LAMB4: variants seen among roughly 807,000 people sequenced by gnomAD.
The protein encoded by LAMB4 is laminin subunit beta 4, also known as laminin subunit beta-4.
In LAMB4, 196 loss-of-function variants were observed where a neutral mutation model predicts 199.2. The observed-to-expected ratio is 0.98, with a 90% CI of 0.88 to 1.11. The LOEUF is 1.11. LAMB4 is among the 50% of genes least tolerant of loss of function. The probability of loss-of-function intolerance (pLI) is 0.00; values close to 1 mark genes in which losing one functional copy is unlikely to be tolerated. For missense variants in LAMB4, 2,080 were observed against 2,171.2 expected (o/e 0.96, Z 0.83); for synonymous variants, 744 against 770.6 (o/e 0.97, Z 0.57).
At chr7:108,062,144 C>G (rs1382666896) in intron 23 of LAMB4, among the ~76,000 whole-genome samples, 1 of 152,100 alleles carries the variant, frequency 6.6e-6, no homozygotes. Context: ...TAGTTTTTTT[C>G]CCACAAGTAA....
chr7:108,086,893 C>A (rs745833232), intron 14 of LAMB4, among the ~76,000 whole-genome samples: 3 of 152,110 alleles, frequency 2.0e-5, no homozygotes, highest in Non-Finnish European at 4.4e-5. Flanking sequence ...TAAATAAACT[C>A]CCTAGGTAAC....
chr7:108,017,509 G>A, the LAMB4 span, among the ~76,000 whole-genome samples: 2 of 152,228 alleles, frequency 1.3e-5, 1 homozygote, highest in Non-Finnish European at 2.9e-5. Flanking sequence ...AAGTGAATAA[G>A]TATTTATTTA....
intron 29 of LAMB4, among the ~76,000 whole-genome samples, chr7:108,043,363 G>T (rs1324371707): frequency 6.6e-6 from 1 of 151,834 alleles, no homozygotes; most frequent in South Asian, 2.1e-4. Context: ...CATGTGTTTG[G>T]AATTTTAACT....
rs768553433 is a variant in LAMB4 at position 108,107,611 on chromosome 7, T to C, written c.591+20A>G. Reference sequence around the variant, plus strand: ...AAAAGTTTAATTTATACAAAATAAATACAAGGAAGGAAATGCTACCTCTCC... The same window carrying C: ...AAAAGTTTAATTTATACAAAATAAACACAAGGAAGGAAATGCTACCTCTCC... On this transcript the variant is annotated intron_variant, in intron 6 of 33. Transcript: ENST00000388781. 43 of 1,541,920 alleles carry C rather than the reference T, an allele frequency of 2.8e-5. No individual in the cohort carries two copies. The South Asian group carries it at 4.6e-4, about 17-fold the overall frequency.
chr7:108,051,978 G>C, intron 26 of LAMB4, 119 bp downstream of exon 26: 1 of 657,674 alleles, frequency 1.5e-6, no homozygotes, highest in African/African-American at 1.8e-5. Context: ...GGTTGTGTTT[G>C]CATGTTCTAA....
intron 27 of LAMB4, among the ~76,000 whole-genome samples, chr7:108,048,917 C>T (rs1295181745): frequency 1.3e-5 from 2 of 152,172 alleles, no homozygotes; most frequent in Non-Finnish European, 2.9e-5. Context: ...TCTCGAACTC[C>T]TGGCCTTAAG....
At chr7:108,104,954 A>G (rs413412) in intron 8 of LAMB4, among the ~76,000 whole-genome samples, 55,496 of 151,612 alleles carry the variant, frequency 0.37, 10,690 homozygotes, top group Non-Finnish European at 0.41. Flanking sequence ...AGTAGTATAT[A>G]GGATTTTTTA....
Position 108,103,170 on chromosome 7 carries a change from C to T in LAMB4, c.1054G>A (p.Gly352Ser), listed in dbSNP as rs755316783. ...TCACACACGCCCCCGCTGAGGCCAC[C>T]GCTTGCCAGGTACGTAGTCATGTCA... Reference protein sequence around the residue: ...HFDMTTYLASGGLSGGVCEDC... With the variant: ...HFDMTTYLASSGLSGGVCEDC... Residue 352 changes from glycine to serine, a missense_variant, in exon 10 of 34, where the codon GGT becomes AGT. By Grantham distance (56) the Gly-to-Ser change is moderately conservative. Coordinates refer to ENST00000388781, the MANE Select transcript of LAMB4 (RefSeq NM_007356.3). 82 of 1,604,782 alleles carry T rather than the reference C, an allele frequency of 5.1e-5. 1 individual carries two copies. In the Middle Eastern group the frequency reaches 6.6e-4, roughly 13 times the overall value.
intron 3 of LAMB4, among the ~76,000 whole-genome samples, chr7:108,114,015 C>A (rs1480664556): frequency 6.6e-6 from 1 of 152,182 alleles, no homozygotes; most frequent in Non-Finnish European, 1.5e-5. Flanking sequence ...GTTGGAGTTA[C>A]TTCTATTTTT....
the LAMB4 span, among the ~76,000 whole-genome samples, chr7:108,014,882 C>T: frequency 4.6e-3 from 699 of 152,294 alleles, 3 homozygotes; most frequent in African/African-American, 0.016. Context: ...GCCACCACAC[C>T]TGGCTAATTG....
chr7:108,039,655 G>T (rs952134148), intron 29 of LAMB4, among the ~76,000 whole-genome samples: 3 of 152,070 alleles, frequency 2.0e-5, no homozygotes, highest in Non-Finnish European at 4.4e-5. Flanking sequence ...TTTTAGTGGA[G>T]ACAGGGTTTT....
intron 28 of LAMB4, among the ~76,000 whole-genome samples, 155 bp downstream of exon 28, chr7:108,047,753 C>A (rs1339649309): frequency 6.6e-6 from 1 of 152,142 alleles, no homozygotes; most frequent in African/African-American, 2.4e-5. Flanking sequence ...ACATTCATAT[C>A]ATCTGTAATT....
chr7:108,095,303 G>T lies in LAMB4; in HGVS notation c.1395C>A (p.Phe465Leu). Residue 465 changes from phenylalanine (F) to leucine (L), a missense_variant, in exon 12 of 34, where the codon TTC becomes TTA. Transcript: ENST00000388781. ...GGCCTGTATCCACATCACAGGTCAA[G>T]AATGGCAGACTCCCAAGGGGGTTAC... ...CDCNPLGSLP[F>L]LTCDVDTGQC... is the part of the protein sequence containing the mutation. 1 of 1,613,984 alleles carries T rather than the reference G, an allele frequency of 6.2e-7. No individual in the cohort carries two copies. The highest frequency in any genetic ancestry group is 8.5e-7 in the Non-Finnish European group (1 of 1,179,974).
intron 3 of LAMB4, among the ~76,000 whole-genome samples, chr7:108,114,045 A>G (rs2038325122): frequency 1.3e-5 from 2 of 152,234 alleles, no homozygotes; most frequent in Admixed American, 6.5e-5. Flanking sequence ...ACTTTGAGAT[A>G]TAAGAACACC....
intron 30 of LAMB4, among the ~76,000 whole-genome samples, chr7:108,035,634 G>T (rs1376085266): frequency 1.9e-4 from 25 of 130,506 alleles, no homozygotes; most frequent in Non-Finnish European, 3.6e-4. Flanking sequence ...AAAAAAAAAC[G>T]TAAGAAGGGG....
intron 26 of LAMB4, among the ~76,000 whole-genome samples, chr7:108,050,243 TTGG>T (rs1455053747): frequency 6.6e-6 from 1 of 152,192 alleles, no homozygotes. Flanking sequence ...TAACAGCTAG[TTGG>T]GTGCTTTGTA....
At chr7:108,096,767 C>CA (rs1207456579) in intron 11 of LAMB4, among the ~76,000 whole-genome samples, 4,172 of 67,434 alleles carry the variant, frequency 0.062, 96 homozygotes, top group Middle Eastern at 0.079. Flanking sequence ...CTCCGTCTCT[C>CA]AAAAAAAAAA....
At chr7:108,061,713 TG>T (rs1478702777) in intron 23 of LAMB4, among the ~76,000 whole-genome samples, 1 of 132,112 alleles carries the variant, frequency 7.6e-6, no homozygotes, top group Non-Finnish European at 1.6e-5. Context: ...CCCTCAGGCC[TG>T]GGCAACAGAG....
At position 108,063,904 on chromosome 7, in the gene LAMB4, T is replaced by C; in HGVS notation, c.2918A>G (p.Asn973Ser). The C allele has an allele frequency of 6.2e-7, 1 of 1,614,192 alleles. No individual in the cohort carries two copies. The highest frequency in any genetic ancestry group is 1.3e-5 in the African/African-American group (1 of 75,042). Residue 973 changes from asparagine to serine, a missense_variant, in exon 22 of 34, where the codon AAC (asparagine) becomes AGC (serine). By Grantham distance (46) the Asn-to-Ser change is conservative (BLOSUM62 1). Coordinates refer to ENST00000388781, the MANE Select transcript of LAMB4 (RefSeq NM_007356.3). ...TGGATCGGTTACATCTATGTTGTTG[T>C]TGCAGGCACATGGTTGGCAAGGTGC... is the stretch of plus-strand genomic sequence containing the variant. Reference protein sequence around the residue: ...SGAPCQPCACNNNIDVTDPES... With the variant: ...SGAPCQPCACSNNIDVTDPES...
Sources: allele counts gnomAD v4.1 joint callset (sites outside exome capture counted in the v4.1 genomes callset), GRCh38; gene constraint gnomAD v4.1.1; transcripts MANE v1.5; gene names NCBI Gene and HGNC (gene_info 2026-07-23, HGNC 2026-07-21).